The following ANK3 variants were observed in gnomAD, a reference collection of about 807,000 sequenced individuals.
ANK3 encodes ankyrin-3.
A neutral mutation model predicts 370.9 loss-of-function variants in ANK3; 57 were observed. The observed-to-expected ratio is 0.15, with a 90% confidence interval of 0.12 to 0.19. The LOEUF is 0.19. ANK3 is among the 10% of genes least tolerant of loss of function. The probability of loss-of-function intolerance (pLI) is 1.00; values close to 1 mark genes in which losing one functional copy is unlikely to be tolerated. For synonymous variants in ANK3, 1,929 were observed against 1,946.3 expected, an observed-to-expected ratio of 0.99 and a Z score of 0.23; for missense variants, 4,439 against 5,302.1, an observed-to-expected ratio of 0.84 and a Z score of 5.06.
Position 60,072,902 on chromosome 10 carries a change from G to A in ANK3, c.7979C>T (p.Pro2660Leu). The change falls in exon 37 of 44, where the codon CCC becomes CTC. Residue 2660 changes from proline to leucine, a missense_variant. Around this residue, in one of 13 missense-constraint regions of ANK3, gnomAD observed 1,601 missense variants for 1,731.7 expected, o/e 0.92. Transcript: ENST00000280772. ...ACTGGGTGCCTTCTCCTCGGCCTTG[G>A]GGAAGCCTTGTCCATCAGGGCCATG... is the stretch of plus-strand genomic sequence containing the variant. ...RQHGPDGQGF[P>L]KAEEKAPSLP... The A allele has an allele frequency of 6.2e-7, 1 of 1,614,034 alleles. No individual in the cohort carries two copies. Among genetic ancestry groups the A allele is most frequent in the East Asian group, 2.2e-5 (1 of 44,870 alleles).
intron 2 of ANK3, among the ~76,000 whole-genome samples, chr10:60,411,379 G>A (rs972922258): frequency 1.3e-5 from 2 of 152,220 alleles, no homozygotes; most frequent in African/African-American, 4.8e-5. Context: ...GCCAGATGAA[G>A]TTGTTGTGCT....
intron 1 of ANK3, among the ~76,000 whole-genome samples, chr10:60,310,616 T>G (rs2046146869): frequency 6.6e-6 from 1 of 152,226 alleles, no homozygotes. Context: ...AATAAATCAA[T>G]GTGACGGTGC....
At chr10:60,106,755 T>C (rs962531374) in intron 27 of ANK3, among the ~76,000 whole-genome samples, 2 of 152,264 alleles carry the variant, frequency 1.3e-5, no homozygotes, top group East Asian at 1.9e-4. Flanking sequence ...CAAAGGAATG[T>C]AAAAGAATGG....
Position 60,186,767 on chromosome 10 carries a change from T to C in ANK3, c.2033A>G (p.Asp678Gly). 3 of 1,614,158 alleles carry C rather than the reference T, an allele frequency of 1.9e-6. No individual in the cohort carries two copies. The highest frequency in any genetic ancestry group is 1.6e-4 in the Middle Eastern group (1 of 6,062). Reference protein sequence around the residue: ...VHLAAQEGHVDMVSLLLGRNA... With the variant: ...VHLAAQEGHVGMVSLLLGRNA... ...TCTACCGAGGAGCAGCGACACCATG[T>C]CCACGTGCCCTTCCTGAGCTGCGAG... Residue 678 changes from aspartate (D) to glycine (G), a missense_variant, in exon 17 of 44, where the codon GAC (aspartate) becomes GGC (glycine). Physicochemically the swap from Asp to Gly is moderately conservative, Grantham distance 94. Around this residue, in one of 13 missense-constraint regions of ANK3, gnomAD observed 192 missense variants for 192.1 expected, o/e 1.00. Coordinates refer to ENST00000280772, the MANE Select transcript of ANK3 (RefSeq NM_020987.5).
intron 1 of ANK3, among the ~76,000 whole-genome samples, chr10:60,709,683 C>T (rs954715535): frequency 2.6e-5 from 4 of 151,778 alleles, no homozygotes; most frequent in African/African-American, 9.7e-5. Flanking sequence ...TAAAAATTAG[C>T]CGGGCATGGT....
chr10:60,074,978 A>G lies in ANK3; in HGVS notation c.5903T>C (p.Val1968Ala). Residue 1968 changes from valine to alanine, a missense_variant, in exon 37 of 44, where the codon GTA becomes GCA. Val to Ala is a moderately conservative substitution (Grantham distance 64). Around this residue, in one of 13 missense-constraint regions of ANK3, gnomAD observed 679 missense variants for 791.0 expected, o/e 0.86. Coordinates refer to ENST00000280772, the MANE Select transcript of ANK3 (RefSeq NM_020987.5). ...TGATTTGGGTGATCCTTTATTATCTACACATACATCCTTTTTAAGGATTTC... is the reference window on the plus strand; with the variant it reads ...TGATTTGGGTGATCCTTTATTATCTGCACATACATCCTTTTTAAGGATTTC... ...VSEILKKDVC[V>A]DNKGSPKSPK... The G allele has an allele frequency of 6.2e-7, 1 of 1,614,012 alleles. No individual in the cohort carries two copies. The highest frequency in any genetic ancestry group is 8.5e-7 in the Non-Finnish European group (1 of 1,179,970).
intron 2 of ANK3, among the ~76,000 whole-genome samples, chr10:60,611,479 A>G (rs1319824726): frequency 1.3e-5 from 2 of 152,100 alleles, no homozygotes; most frequent in African/African-American, 4.8e-5. Flanking sequence ...GTAGAATGAA[A>G]ACAAACTTTT....
intron 23 of ANK3, chr10:60,140,254 G>C (rs2094504024): frequency 1.6e-6 from 2 of 1,288,976 alleles, no homozygotes; most frequent in Non-Finnish European, 2.3e-6. Flanking sequence ...CCAGTACCAA[G>C]AGATTATTTT....
chr10:60,438,618 T>G (rs1200597629), intron 2 of ANK3, among the ~76,000 whole-genome samples: 2 of 152,112 alleles, frequency 1.3e-5, no homozygotes, highest in African/African-American at 2.4e-5. Flanking sequence ...AGGTGTTAGA[T>G]GAAAAAAATA....
intron 2 of ANK3, among the ~76,000 whole-genome samples, chr10:60,590,167 T>G (rs2077889914): frequency 6.6e-6 from 1 of 152,192 alleles, no homozygotes; most frequent in South Asian, 2.1e-4. Flanking sequence ...GTAACATAAT[T>G]TAGCCCTGCC....
At chr10:60,582,094 G>A (rs1340306103) in intron 2 of ANK3, among the ~76,000 whole-genome samples, 1 of 152,066 alleles carries the variant, frequency 6.6e-6, no homozygotes. Flanking sequence ...ACACAGGGAG[G>A]GGAACATCAC....
At chr10:60,732,764 GCCAGGTGATTTCCGAA>G (rs1304520404) in intron 1 of ANK3, among the ~76,000 whole-genome samples, 2 of 151,952 alleles carry the variant, frequency 1.3e-5, no homozygotes, top group Admixed American at 6.5e-5. Flanking sequence ...AACTTTCAGA[GCCAGGTGATTTCCGAA>G]CCAGGTGATT....
At chr10:60,597,461 G>A (rs2078003540) in intron 2 of ANK3, among the ~76,000 whole-genome samples, 1 of 152,156 alleles carries the variant, frequency 6.6e-6, no homozygotes, top group Admixed American at 6.6e-5. Context: ...GTATTTAGCA[G>A]CCTCTCTGTT....
At chr10:60,249,320 T>C (rs1032531259) in intron 7 of ANK3, among the ~76,000 whole-genome samples, 1 of 152,238 alleles carries the variant, frequency 6.6e-6, no homozygotes, top group African/African-American at 2.4e-5. Flanking sequence ...ATGAATTTTA[T>C]AACTTCAATT....
At chr10:60,637,035 G>A (rs905206323) in intron 1 of ANK3, among the ~76,000 whole-genome samples, 2 of 152,026 alleles carry the variant, frequency 1.3e-5, no homozygotes, top group Admixed American at 6.6e-5. Flanking sequence ...CTCCAAACAC[G>A]CCCATAGTGC....
intron 2 of ANK3, among the ~76,000 whole-genome samples, chr10:60,504,766 G>C (rs1045642479): frequency 1.3e-5 from 2 of 152,074 alleles, no homozygotes; most frequent in Non-Finnish European, 2.9e-5. Flanking sequence ...AGGACCCCTG[G>C]TCAAATTTCA....
chr10:60,132,940 T>C lies in ANK3; in HGVS notation c.2841+1331A>G, dbSNP rs185633888. Among the ~76,000 whole-genome samples, 671 of 152,162 alleles carry C rather than the reference T, an allele frequency of 4.4e-3. 5 individuals carry two copies. The highest frequency in any genetic ancestry group is 0.015 in the African/African-American group (633 of 41,510). Reference sequence around the variant, plus strand: ...CTATAATCATTTTTAATAGAGTTTTTTTGTCTGACCAAACACTGAATAACC... The same window carrying C: ...CTATAATCATTTTTAATAGAGTTTTCTTGTCTGACCAAACACTGAATAACC... On this transcript the variant is annotated intron_variant, in intron 25 of 43. Transcript: ENST00000280772.
intron 28 of ANK3, among the ~76,000 whole-genome samples, chr10:60,098,527 G>A (rs1017885944): frequency 1.3e-5 from 2 of 152,058 alleles, no homozygotes; most frequent in African/African-American, 2.4e-5. Flanking sequence ...TTATCCCTTT[G>A]GAATTAAAGT....
At chr10:60,544,138 A>G (rs545493552) in intron 2 of ANK3, among the ~76,000 whole-genome samples, 2 of 152,216 alleles carry the variant, frequency 1.3e-5, no homozygotes, top group African/African-American at 4.8e-5. Context: ...CTGTATAGAA[A>G]ACACCGTCCA....
Sources: allele counts gnomAD v4.1 joint callset (sites outside exome capture counted in the v4.1 genomes callset), GRCh38; gene constraint gnomAD v4.1.1; regional missense constraint gnomAD v4.1.1; transcripts MANE v1.5; gene names NCBI Gene and HGNC (gene_info 2026-07-23, HGNC 2026-07-21).